PPFIA4: variants seen among roughly 807,000 people sequenced by gnomAD.
PPFIA4 encodes the protein liprin-alpha-4.
Under a neutral mutation model 145.7 loss-of-function variants are expected in PPFIA4, and 98 were observed. The ratio of observed to expected loss-of-function variants is 0.67; its 90% CI spans 0.57 to 0.80. The LOEUF is 0.80. PPFIA4 is among the 30% of genes least tolerant of loss of function. PPFIA4 has a pLI of 0.00. For missense variants in PPFIA4, 1,457 were observed against 1,632.7 expected, an observed-to-expected ratio of 0.89 and a Z score of 1.85; for synonymous variants, 628 against 649.6, an observed-to-expected ratio of 0.97 and a Z score of 0.51.
rs777189378 is a variant in PPFIA4, at chr1:203,075,829, G to C, written c.3574+72G>C. ...GGCTTCTTCCTGGCACCCCAGGGCC[G>C]GGCCGGGTGGAGAGGGGCGAGGCCG... is the stretch of plus-strand genomic sequence containing the variant. On this transcript the variant is annotated intron_variant, in intron 29 of 29. Coordinates refer to ENST00000295706, the MANE Select transcript of PPFIA4 (RefSeq NM_001304331.2). The surrounding 1 kb of genome is among the most constrained non-coding windows in gnomAD (Gnocchi z 4.1). 1 of 1,315,344 alleles carries C rather than the reference G, an allele frequency of 7.6e-7. No homozygotes were observed. 81.5% of individuals were successfully genotyped at this position (1,315,344 alleles called of 1,614,324 possible).
At chr1:203,054,269 T>C (rs1260546934) in intron 15 of PPFIA4, 3 of 610,854 alleles carry the variant, frequency 4.9e-6, no homozygotes, top group Admixed American at 2.7e-5. Flanking sequence ...TCCTGCTTAC[T>C]GAGGCTAGCT....
chr1:203,076,359 A>ACGGACACATGCTCTCCGCCTTC lies in PPFIA4; in HGVS notation c.3597_3618dup (p.Asp1207ThrfsTer74). On this transcript the variant is annotated frameshift_variant, in exon 30 of 30. Transcript: ENST00000295706. LOFTEE classifies it high-confidence loss of function. The stretch of plus-strand genomic sequence containing the variant: ...CCCTCAGCTCACTCCCACTATCTCT[A>ACGGACACATGCTCTCCGCCTTC]CGGACACATGCTCTCCGCCTTCCGG... The ACGGACACATGCTCTCCGCCTTC allele has an allele frequency of 6.2e-7, 1 of 1,607,266 alleles. No individual in the cohort carries two copies. The highest frequency in any genetic ancestry group is 8.5e-7 in the Non-Finnish European group (1 of 1,179,778).
In PPFIA4 at chr1:203,046,367, T is replaced by A; in HGVS notation, c.1125T>A (p.Ile375=). The change falls in exon 9 of 30, where the codon ATT becomes ATA. Residue 375 remains isoleucine (I), a synonymous_variant. Transcript: ENST00000295706. The stretch of plus-strand genomic sequence containing the variant: ...TGGAGGCTGAGCTGGCCCAGAGAAT[T>A]GCAGCCCTCACCAAGGCAAGTGGGC... ...PEVEAELAQR[I]AALTKAEERH... is the part of the protein sequence containing the mutation. 5 of 1,589,282 alleles carry A rather than the reference T, an allele frequency of 3.1e-6. No homozygotes were observed. Among genetic ancestry groups the A allele is most frequent in the Non-Finnish European group, 4.3e-6 (5 of 1,168,958 alleles).
intron 14 of PPFIA4, among the ~76,000 whole-genome samples, chr1:203,052,634 A>G (rs6683283): frequency 0.18 from 26,625 of 152,008 alleles, 2,536 homozygotes; most frequent in African/African-American, 0.22. Context: ...TCTGTTTATA[A>G]GAATATAGCA....
intron 17 of PPFIA4, 24 bp from the exon 18 acceptor site, chr1:203,056,351 C>T (rs551277085): frequency 1.2e-6 from 2 of 1,612,372 alleles, no homozygotes; most frequent in African/African-American, 2.7e-5. Flanking sequence ...CCTCTATCCC[C>T]TGACGGCTCC....
chr1:203,073,349 C>T (rs1025073911), intron 28 of PPFIA4, among the ~76,000 whole-genome samples: 2 of 152,192 alleles, frequency 1.3e-5, no homozygotes, highest in Non-Finnish European at 2.9e-5. Context: ...GGCCTATCAG[C>T]CTCCAGACAT....
intron 1 of PPFIA4, among the ~76,000 whole-genome samples, chr1:203,029,724 A>G (rs1658681616): frequency 6.6e-6 from 1 of 152,246 alleles, no homozygotes; most frequent in Non-Finnish European, 1.5e-5. Flanking sequence ...CTGGTGTTAC[A>G]TCCCTTTGGG....
In PPFIA4 at chr1:203,068,994, G is replaced by A. The variant is rs1018774491; in HGVS notation, c.3324+366G>A. Among the ~76,000 whole-genome samples, 2 of 152,050 alleles carry A rather than the reference G, an allele frequency of 1.3e-5. No homozygotes were observed. Among genetic ancestry groups the A allele is most frequent in the East Asian group, 1.9e-4 (1 of 5,188 alleles). On this transcript the variant is annotated intron_variant, in intron 27 of 29. Coordinates refer to ENST00000295706, the MANE Select transcript of PPFIA4 (RefSeq NM_001304331.2). This position sits in a 1 kb window ranked among gnomAD's most constrained non-coding sequence, Gnocchi z 4.7. ...TCTCTGATCTGACTTTTCTTAGAGG[G>A]GAATGAGCCCCAGGGCCCCTAGGGA...
rs757406506 is a variant in PPFIA4 at position 203,039,112 on chromosome 1, A to G, written c.104A>G (p.Asp35Gly). The change falls in exon 2 of 30, where the codon GAC becomes GGC. Residue 35 changes from aspartate (D) to glycine (G), a missense_variant. By Grantham distance (94) the Asp-to-Gly change is moderately conservative. Transcript: ENST00000295706. ...GAGCAGCTGATGGTGAACATGCTGG[A>G]CGAGCGGGAGAAGTTGCTGGAGTCT... ...NFEQLMVNML[D>G]EREKLLESLR... 1 of 1,608,292 alleles carries G rather than the reference A, an allele frequency of 6.2e-7. No homozygotes were observed. Among genetic ancestry groups the G allele is most frequent in the Non-Finnish European group, 8.5e-7 (1 of 1,177,796 alleles).
chr1:203,067,838 C>T (rs2102687052), intron 26 of PPFIA4, 46 bp downstream of exon 26: 1 of 1,570,338 alleles, frequency 6.4e-7, no homozygotes, highest in Non-Finnish European at 8.8e-7. Context: ...GCCTGCTTGG[C>T]TGGTCCCTGC....
In PPFIA4 at chr1:203,067,659, C is replaced by T. The variant is rs1158601303; in HGVS notation, c.3051-36C>T. 3.8e-6 allele frequency: 6 copies of T among 1,579,838 alleles called. No homozygotes were observed. In the African/African-American group the frequency reaches 5.4e-5, roughly 14 times the overall value. On this transcript the variant is annotated intron_variant, in intron 25 of 29. Transcript: ENST00000295706. ...GACAGGTGGTGTGGGAATGTGGCCCCACTGAGGCTCTGGCTTGGGGGCTGT... is the reference window on the plus strand; with the variant it reads ...GACAGGTGGTGTGGGAATGTGGCCCTACTGAGGCTCTGGCTTGGGGGCTGT...
In PPFIA4 at chr1:203,075,607, TC is replaced by T; in HGVS notation, c.3426del (p.Trp1143GlyfsTer85). ...GDDKVFRRAPSWRKRFRPREH... is the reference protein window; with the variant it reads ...GDDKVFRRAPXWRKRFRPREH... ...TGACAAGGTGTTTCGCCGCGCGCCCTCCTGGAGGAAGCGCTTCCGGCCGCGG... is the reference window on the plus strand; with the variant it reads ...TGACAAGGTGTTTCGCCGCGCGCCCTCTGGAGGAAGCGCTTCCGGCCGCGG... On this transcript the variant is annotated frameshift_variant, in exon 29 of 30. Coordinates refer to ENST00000295706, the MANE Select transcript of PPFIA4 (RefSeq NM_001304331.2). LOFTEE classifies it high-confidence loss of function. This position sits in a 1 kb window ranked among gnomAD's most constrained non-coding sequence, Gnocchi z 4.1. The T allele has an allele frequency of 6.8e-7, 1 of 1,474,548 alleles. No individual in the cohort carries two copies. The highest frequency in any genetic ancestry group is 9.0e-7 in the Non-Finnish European group (1 of 1,110,218). 91.3% of individuals were successfully genotyped at this position (1,474,548 alleles called of 1,614,324 possible). A position where few individuals can be genotyped will look rare whatever the true frequency, so the allele number is the denominator to read the frequency against.
At chr1:203,030,640 A>G (rs918043779) in intron 1 of PPFIA4, among the ~76,000 whole-genome samples, 18 of 152,174 alleles carry the variant, frequency 1.2e-4, no homozygotes, top group African/African-American at 3.9e-4. Flanking sequence ...TGGAGCTTTC[A>G]TTCTTTCAGT....
At chr1:203,062,419 GC>G (rs1200799699) in intron 24 of PPFIA4, among the ~76,000 whole-genome samples, 1 of 134,398 alleles carries the variant, frequency 7.4e-6, no homozygotes, top group Non-Finnish European at 1.5e-5. Context: ...GGCGGAGCTT[GC>G]AGTGAGCCGA....
At chr1:203,061,627 A>G (rs920453338) in intron 23 of PPFIA4, 25 bp from the exon 24 acceptor site, 2 of 1,557,164 alleles carry the variant, frequency 1.3e-6, no homozygotes, top group South Asian at 1.2e-5. Flanking sequence ...TGTTTCCCCT[A>G]ACACGCTGCA....
intron 1 of PPFIA4, among the ~76,000 whole-genome samples, chr1:203,028,040 CG>C (rs1025718832): frequency 1.6e-4 from 25 of 152,210 alleles, no homozygotes; most frequent in African/African-American, 6.0e-4. Context: ...GAGGAGGCTT[CG>C]TGGGGTAAAC....
chr1:203,072,366 C>T (rs1029501825), intron 28 of PPFIA4, among the ~76,000 whole-genome samples: 3 of 152,254 alleles, frequency 2.0e-5, no homozygotes, highest in African/African-American at 7.2e-5. Context: ...CCTCTCTCTG[C>T]CCTCCTGGTC....
At position 203,053,777 on chromosome 1, in the gene PPFIA4, G is replaced by A. The variant is rs1485757570; in HGVS notation, c.1645G>A (p.Gly549Arg). The A allele has an allele frequency of 6.4e-6, 10 of 1,551,548 alleles. No individual in the cohort carries two copies. In the East Asian group the frequency reaches 2.2e-4, roughly 34 times the overall value. Residue 549 changes from glycine (G) to arginine (R), a missense_variant, in exon 15 of 30, where the codon GGG becomes AGG. By Grantham distance (125) the Gly-to-Arg change is moderately radical. This residue lies in a region of PPFIA4 where 848 missense variants were observed against 1,046.7 expected (regional missense o/e 0.81). Transcript: ENST00000295706. The part of the protein sequence containing the change: ...AKDWETSPLP[G>R]MLAPAAGPAF... ...GGACTGGGAGACTTCTCCACTGCCT[G>A]GGATGCTGGCCCCGGCAGCTGGCCC...
Position 203,070,534 on chromosome 1 carries a change from A to G in PPFIA4, c.3325-1158A>G, listed in dbSNP as rs1244170552. Among the ~76,000 whole-genome samples, 4 of 135,428 alleles carry G rather than the reference A, an allele frequency of 3.0e-5. No homozygotes were observed. The East Asian group carries it at 9.6e-4, about 32-fold the overall frequency. 88.8% of individuals were successfully genotyped at this position (135,428 alleles called of 152,430 possible). ...GAGTTTAAGGCTGCAGTGAGCCATGATTGTGCCACTGCACTCCAGCCTGGG... is the reference window on the plus strand; with the variant it reads ...GAGTTTAAGGCTGCAGTGAGCCATGGTTGTGCCACTGCACTCCAGCCTGGG... On this transcript the variant is annotated intron_variant, in intron 27 of 29. Transcript: ENST00000295706.
Sources: gnomAD v4.1 joint callset for allele counts (sites outside exome capture counted in the v4.1 genomes callset) on GRCh38, gnomAD v4.1.1 for gene constraint, gnomAD v4.1.1 regional missense constraint, Gnocchi (gnomAD v3.1) non-coding constraint, MANE v1.5 for transcripts, NCBI Gene and HGNC (gene_info 2026-07-23, HGNC 2026-07-21) for gene names.